SUCLG2: variants seen among roughly 807,000 people sequenced by gnomAD.
SUCLG2 encodes the protein succinate--CoA ligase [GDP-forming] subunit beta, mitochondrial.
In SUCLG2, 42 loss-of-function variants were observed where a neutral mutation model predicts 47.9. That is an observed-to-expected ratio of 0.88 (90% CI 0.69 to 1.14). The LOEUF is 1.14. SUCLG2 is among the 50% of genes most tolerant of loss of function. The probability of loss-of-function intolerance (pLI) is 0.00; values close to 1 mark genes in which losing one functional copy is unlikely to be tolerated. For synonymous variants in SUCLG2, 195 were observed against 197.3 expected, an observed-to-expected ratio of 0.99 and a Z score of 0.10; for missense variants, 571 against 525.9, an observed-to-expected ratio of 1.09 and a Z score of -0.84.
intron 9 of SUCLG2, among the ~76,000 whole-genome samples, chr3:67,414,201 T>C (rs554852979): frequency 1.1e-3 from 175 of 152,290 alleles, no homozygotes; most frequent in Non-Finnish European, 2.2e-3. Context: ...GTAATGCCCA[T>C]TTCTGCTACA....
chr3:67,641,901 G>A (rs959715728), intron 1 of SUCLG2, among the ~76,000 whole-genome samples: 9 of 152,126 alleles, frequency 5.9e-5, no homozygotes, highest in Non-Finnish European at 1.3e-4. Flanking sequence ...GGCAATCTTT[G>A]GTGTTCTTGG....
Position 67,513,024 on chromosome 3 carries a change from A to C in SUCLG2, c.661-4121T>G, listed in dbSNP as rs149879389. Among the ~76,000 whole-genome samples the C allele has an allele frequency of 4.0e-5, 6 of 150,936 alleles. No homozygotes were observed. The East Asian group carries it at 1.2e-3, about 29-fold the overall frequency. ...TACCAGATATATAGAGATATTAGAG[A>C]TCTCTATATACATACATACATAAAA... On this transcript the variant is annotated intron_variant, in intron 6 of 10. Coordinates refer to ENST00000307227, the MANE Select transcript of SUCLG2 (RefSeq NM_003848.4).
intron 9 of SUCLG2, among the ~76,000 whole-genome samples, chr3:67,438,166 A>G (rs2106903766): frequency 6.6e-6 from 1 of 152,282 alleles, no homozygotes; most frequent in East Asian, 1.9e-4. Flanking sequence ...GAAATAAATA[A>G]GTTCTTTGAA....
chr3:67,404,982 T>C (rs922044564), intron 9 of SUCLG2, among the ~76,000 whole-genome samples: 1 of 151,702 alleles, frequency 6.6e-6, no homozygotes, highest in African/African-American at 2.4e-5. Flanking sequence ...TTTTTTTTTT[T>C]TTTTTTTAAG....
At chr3:67,605,071 C>T (rs1173274978) in intron 2 of SUCLG2, among the ~76,000 whole-genome samples, 1 of 152,120 alleles carries the variant, frequency 6.6e-6, no homozygotes, top group Non-Finnish European at 1.5e-5. Flanking sequence ...AATGATGATG[C>T]TGATAGCAAT....
At chr3:67,393,554 G>A (rs1176375728) in intron 10 of SUCLG2, among the ~76,000 whole-genome samples, 1 of 152,248 alleles carries the variant, frequency 6.6e-6, no homozygotes, top group Non-Finnish European at 1.5e-5. Flanking sequence ...ACAGCTCAAG[G>A]AGGCCTGCCT....
At chr3:67,377,815 A>G (rs906450004) in intron 10 of SUCLG2, among the ~76,000 whole-genome samples, 3 of 152,096 alleles carry the variant, frequency 2.0e-5, no homozygotes, top group Admixed American at 6.5e-5. Flanking sequence ...CACCACGCCC[A>G]GCTATTTTTT....
chr3:67,650,734 G>T (rs1266672868), intron 1 of SUCLG2, among the ~76,000 whole-genome samples: 1 of 152,106 alleles, frequency 6.6e-6, no homozygotes, highest in Non-Finnish European at 1.5e-5. Context: ...TCCAGCCTGG[G>T]TGAGAGTGAG....
chr3:67,558,257 A>G (rs2634738), intron 2 of SUCLG2, among the ~76,000 whole-genome samples: 33,558 of 151,820 alleles, frequency 0.22, 6,454 homozygotes, highest in East Asian at 0.49. Flanking sequence ...AGCTCCATGG[A>G]AAGCCAAAAT....
At chr3:67,588,237 C>T (rs1047763632) in intron 2 of SUCLG2, among the ~76,000 whole-genome samples, 3 of 152,122 alleles carry the variant, frequency 2.0e-5, no homozygotes, top group Non-Finnish European at 2.9e-5. Context: ...TAAAATTGGT[C>T]TTTGTTTTCT....
intron 9 of SUCLG2, among the ~76,000 whole-genome samples, chr3:67,417,357 T>C (rs528588602): frequency 1.6e-4 from 24 of 152,340 alleles, no homozygotes; most frequent in Admixed American, 5.9e-4. Context: ...GGTTTTGAAA[T>C]GGGATGGAAC....
chr3:67,514,197 C>A, intron 6 of SUCLG2: 1 of 354,016 alleles, frequency 2.8e-6, no homozygotes, highest in Non-Finnish European at 5.7e-6. Flanking sequence ...AAAACTCACT[C>A]TTGGGAGCTT....
intron 9 of SUCLG2, among the ~76,000 whole-genome samples, chr3:67,461,024 A>G (rs549140875): frequency 2.0e-5 from 3 of 152,210 alleles, no homozygotes; most frequent in Admixed American, 6.5e-5. Context: ...CCAAGTGCCC[A>G]GTGTACTCTC....
chr3:67,520,384 C>T, intron 5 of SUCLG2, 98 bp downstream of exon 5: 1 of 1,536,228 alleles, frequency 6.5e-7, no homozygotes, highest in Non-Finnish European at 9.0e-7. Context: ...ATTGTAGAGA[C>T]AGATTTAGTG....
At chr3:67,404,200 C>A (rs1403068831) in intron 9 of SUCLG2, among the ~76,000 whole-genome samples, 1 of 152,088 alleles carries the variant, frequency 6.6e-6, no homozygotes, top group Non-Finnish European at 1.5e-5. Context: ...TTCTTCAGAA[C>A]TGGGTAGACG....
chr3:67,642,951 T>TGTGTGTGTGTGTGA (rs1553675855), intron 1 of SUCLG2, among the ~76,000 whole-genome samples: 14 of 141,658 alleles, frequency 9.9e-5, no homozygotes, highest in African/African-American at 3.3e-4. Flanking sequence ...TGTGTGTGTG[T>TGTGTGTGTGTGTGA]GAGAGAGATG....
intron 1 of SUCLG2, among the ~76,000 whole-genome samples, chr3:67,618,352 G>C (rs1700668258): frequency 6.6e-6 from 1 of 152,158 alleles, no homozygotes; most frequent in Non-Finnish European, 1.5e-5. Flanking sequence ...CCCAGAGGCG[G>C]AGGTTGCAGT....
chr3:67,631,187 G>T (rs1326164119), intron 1 of SUCLG2, among the ~76,000 whole-genome samples: 1 of 152,164 alleles, frequency 6.6e-6, no homozygotes, highest in African/African-American at 2.4e-5. Context: ...GCTTTACTAA[G>T]CAAATGATAA....
intron 10 of SUCLG2, among the ~76,000 whole-genome samples, chr3:67,361,002 A>G (rs1701796181): frequency 6.6e-6 from 1 of 152,172 alleles, no homozygotes; most frequent in Admixed American, 6.5e-5. Flanking sequence ...TGACATTTGG[A>G]TAAGGCAGAT....
Sources: gnomAD v4.1 joint callset for allele counts (sites outside exome capture counted in the v4.1 genomes callset) on GRCh38, gnomAD v4.1.1 for gene constraint, MANE v1.5 for transcripts, NCBI Gene and HGNC (gene_info 2026-07-23, HGNC 2026-07-21) for gene names.